The following PARPBP variants were observed in gnomAD, a reference collection of about 807,000 sequenced individuals.
PARPBP encodes PCNA-interacting partner.
PARPBP carries 52 observed loss-of-function variants against 50.0 expected under a neutral mutation model. That is an observed-to-expected ratio of 1.04 (90% CI 0.83 to 1.31). The LOEUF (loss-of-function observed/expected upper bound fraction) is 1.31. Ranked by LOEUF, PARPBP falls within the 50% of genes most tolerant of loss-of-function variation. The probability of loss-of-function intolerance (pLI) is 0.00; values close to 1 mark genes in which losing one functional copy is unlikely to be tolerated. For synonymous variants in PARPBP, 244 were observed against 232.1 expected (o/e 1.05, Z -0.47); for missense variants, 697 against 672.0 (o/e 1.04, Z -0.41).
At chr12:102,177,183 A>G (rs757486582) in intron 7 of PARPBP, among the ~76,000 whole-genome samples, 24 of 152,248 alleles carry the variant, frequency 1.6e-4, no homozygotes, top group Non-Finnish European at 3.4e-4. Context: ...GTAGAGCTAT[A>G]TACATTATAG....
chr12:102,125,388 G>A (rs965114836), intron 2 of PARPBP, among the ~76,000 whole-genome samples: 3 of 152,194 alleles, frequency 2.0e-5, no homozygotes, highest in African/African-American at 4.8e-5. Flanking sequence ...TGAAAGGGTT[G>A]TTGGAATTTG....
rs182981269 is a variant in PARPBP, at chr12:102,156,680, C to T, written c.495+2704C>T. 5.9e-3 allele frequency among the ~76,000 whole-genome samples: 896 copies of T among 152,132 alleles called. 11 individuals are homozygous for T. The highest frequency in any genetic ancestry group is 0.02 in the African/African-American group (840 of 41,498). ...TTTGAGGCAGAGGCTTACTGTGTTG[C>T]CCAGGCTGAAGTGCAGTGTGGCACG... On this transcript the variant is annotated intron_variant, in intron 4 of 10. Transcript: ENST00000327680.
intron 6 of PARPBP, among the ~76,000 whole-genome samples, chr12:102,171,049 A>G (rs1888664890): frequency 6.6e-6 from 1 of 151,688 alleles, no homozygotes; most frequent in South Asian, 2.1e-4. Flanking sequence ...GAAAATCTTC[A>G]GGAGCAGTAA....
intron 3 of PARPBP, 70 bp from the exon 4 acceptor site, chr12:102,153,799 A>G: frequency 3.7e-6 from 3 of 809,512 alleles, no homozygotes; most frequent in Non-Finnish European, 6.5e-6. Context: ...GACACTGAGT[A>G]GAGCTTTATG....
chr12:102,144,432 A>C (rs1294959956), intron 2 of PARPBP, among the ~76,000 whole-genome samples: 1 of 151,882 alleles, frequency 6.6e-6, no homozygotes, highest in Non-Finnish European at 1.5e-5. Flanking sequence ...TTGACCACAG[A>C]CTCTCTCAAT....
intron 9 of PARPBP, among the ~76,000 whole-genome samples, chr12:102,183,039 G>C (rs748532063): frequency 2.0e-5 from 3 of 152,144 alleles, no homozygotes; most frequent in Non-Finnish European, 4.4e-5. Flanking sequence ...ATTATAGATT[G>C]AGCTGAGAGC....
At chr12:102,159,621 A>T (rs1887343628) in intron 4 of PARPBP, among the ~76,000 whole-genome samples, 1 of 152,146 alleles carries the variant, frequency 6.6e-6, no homozygotes, top group Non-Finnish European at 1.5e-5. Flanking sequence ...TAAGGTACTA[A>T]ACCATTGCTT....
intron 4 of PARPBP, among the ~76,000 whole-genome samples, chr12:102,155,599 G>GT (rs200830528): frequency 9.4e-5 from 12 of 127,046 alleles, no homozygotes; most frequent in African/African-American, 2.8e-4. Flanking sequence ...CATGGTGGGG[G>GT]GGGGGGGCGG....
rs1398539325 is a variant in PARPBP, at chr12:102,137,448, T to C, written c.154-10782T>C. On this transcript the variant is annotated intron_variant, in intron 2 of 10. Transcript: ENST00000327680. Reference sequence around the variant, plus strand: ...TTTAAGTTTTAGGTTTTTAGCATGTTTTTTGAGGGGGAAAATTTTTTAGCT... The same window carrying C: ...TTTAAGTTTTAGGTTTTTAGCATGTCTTTTGAGGGGGAAAATTTTTTAGCT... Among the ~76,000 whole-genome samples, 3 of 152,090 alleles carry C rather than the reference T, an allele frequency of 2.0e-5. No individual in the cohort carries two copies. In the East Asian group the frequency reaches 5.8e-4, roughly 29 times the overall value.
At chr12:102,146,598 T>TA (rs1307476937) in intron 2 of PARPBP, among the ~76,000 whole-genome samples, 7 of 152,132 alleles carry the variant, frequency 4.6e-5, no homozygotes, top group Non-Finnish European at 8.8e-5. Context: ...ACGTTAGACC[T>TA]AAAACCATAA....
rs137868792 is a variant in PARPBP, at chr12:102,188,255, G to A, written c.1263+5628G>A. 1.1e-3 allele frequency among the ~76,000 whole-genome samples: 166 copies of A among 151,820 alleles called. 3 individuals are homozygous for A. The highest frequency in any genetic ancestry group is 3.3e-3 in the African/African-American group (137 of 41,462). ...GAGAAGTGGGACGTGCCTCAAACACGTGGCTGGTCTTTTTTTTTTTTCAAG... is the reference window on the plus strand; with the variant it reads ...GAGAAGTGGGACGTGCCTCAAACACATGGCTGGTCTTTTTTTTTTTTCAAG... On this transcript the variant is annotated intron_variant, in intron 9 of 10. Transcript: ENST00000327680.
intron 3 of PARPBP, among the ~76,000 whole-genome samples, chr12:102,153,189 C>T (rs1886442272): frequency 6.6e-6 from 1 of 152,092 alleles, no homozygotes; most frequent in African/African-American, 2.4e-5. Context: ...AGCTTTGATC[C>T]CCTATGATAT....
chr12:102,153,741 A>G, intron 3 of PARPBP, 128 bp from the exon 4 acceptor site: 2 of 591,332 alleles, frequency 3.4e-6, no homozygotes. Flanking sequence ...ATGTATTCTT[A>G]ATGATTGCTA....
intron 2 of PARPBP, among the ~76,000 whole-genome samples, chr12:102,141,797 A>G (rs1260759549): frequency 3.9e-5 from 6 of 152,164 alleles, no homozygotes; most frequent in African/African-American, 1.4e-4. Flanking sequence ...TTTCTTTAAG[A>G]ATGTTGAATA....
At chr12:102,135,271 A>G (rs1017822258) in intron 2 of PARPBP, among the ~76,000 whole-genome samples, 7 of 151,720 alleles carry the variant, frequency 4.6e-5, no homozygotes, top group Admixed American at 1.3e-4. Flanking sequence ...TGGGCCGGGC[A>G]TGGTGGCTCA....
At position 102,196,980 on chromosome 12, in the gene PARPBP, A is replaced by G. The variant is rs138736999; in HGVS notation, c.*689A>G. On this transcript the variant is annotated 3_prime_UTR_variant, in exon 11 of 11. Transcript: ENST00000327680. ...TTTGAAAAGACTACTCACTGTCAAA[A>G]TCTCTCCTTCCTATAGGAAATTTAG... is the stretch of plus-strand genomic sequence containing the variant. 6.4e-5 allele frequency: 103 copies of G among 1,609,996 alleles called. No individual in the cohort carries two copies. In the African/African-American group the frequency reaches 1.1e-3, roughly 17 times the overall value.
intron 2 of PARPBP, 41 bp from the exon 3 acceptor site, chr12:102,148,189 C>G (rs1027803785): frequency 3.4e-5 from 28 of 822,968 alleles, no homozygotes; most frequent in Non-Finnish European, 5.3e-5. Flanking sequence ...TATTCTGGTA[C>G]CCAACTTTAT....
chr12:102,153,866 C>T lies in PARPBP; in HGVS notation c.388-3C>T. ...TATTAGTAATACTCTATGTTTTCTA[C>T]AGAGTCAACTACTGGATTTTCTGTC... On this transcript the variant is annotated splice_region_variant and splice_polypyrimidine_tract_variant and intron_variant, in intron 3 of 10. Coordinates refer to ENST00000327680, the MANE Select transcript of PARPBP (RefSeq NM_017915.5). The T allele has an allele frequency of 6.6e-7, 1 of 1,525,946 alleles. No individual in the cohort carries two copies. The highest frequency in any genetic ancestry group is 9.1e-7 in the Non-Finnish European group (1 of 1,100,092). 94.5% of individuals were successfully genotyped at this position (1,525,946 alleles called of 1,614,324 possible).
intron 7 of PARPBP, among the ~76,000 whole-genome samples, chr12:102,176,384 C>T (rs988332091): frequency 6.6e-6 from 1 of 152,196 alleles, no homozygotes; most frequent in Admixed American, 6.5e-5. Context: ...ATTAGGACAA[C>T]AACAGTCCTG....
Sources: gnomAD v4.1 joint callset for allele counts (sites outside exome capture counted in the v4.1 genomes callset) on GRCh38, gnomAD v4.1.1 for gene constraint, MANE v1.5 for transcripts, NCBI Gene and HGNC (gene_info 2026-07-23, HGNC 2026-07-21) for gene names.